ELAVL3: variants seen among roughly 807,000 people sequenced by gnomAD.
ELAVL3 encodes the protein ELAV-like protein 3.
In ELAVL3, 8 loss-of-function variants were observed where a neutral mutation model predicts 34.2. The ratio of observed to expected loss-of-function variants is 0.23; its 90% CI spans 0.14 to 0.42. The LOEUF (loss-of-function observed/expected upper bound fraction) is 0.42. ELAVL3 is among the 10% of genes least tolerant of loss of function. The probability of loss-of-function intolerance (pLI) is 1.00; values close to 1 mark genes in which losing one functional copy is unlikely to be tolerated. For missense variants in ELAVL3, 273 were observed against 518.8 expected (o/e 0.53, Z 4.60); for synonymous variants, 209 against 222.1 (o/e 0.94, Z 0.53).
Position 11,454,993 on chromosome 19 carries a change from C to CTGT in ELAVL3, c.753-117_753-116insACA. The CTGT allele has an allele frequency of 8.2e-7, 1 of 1,213,482 alleles. No individual in the cohort carries two copies. The highest frequency in any genetic ancestry group is 1.1e-6 in the Non-Finnish European group (1 of 873,316). 75.2% of individuals were successfully genotyped at this position (1,213,482 alleles called of 1,614,324 possible). A position where few individuals can be genotyped will look rare whatever the true frequency, so the allele number is the denominator to read the frequency against. ...GCCATGACCTTGGAATGGTGTGACC[C>CTGT]CTGCAATGCAATTTTTTTTTTTAGA... On this transcript the variant is annotated intron_variant, in intron 6 of 6. Coordinates refer to ENST00000359227, the MANE Select transcript of ELAVL3 (RefSeq NM_001420.4). The surrounding 1 kb of genome is among the most constrained non-coding windows in gnomAD (Gnocchi z 9.2).
Position 11,480,527 on chromosome 19 carries a change from G to A in ELAVL3, c.9+73C>T. 4 of 760,244 alleles carry A rather than the reference G, an allele frequency of 5.3e-6. No homozygotes were observed. The highest frequency in any genetic ancestry group is 1.9e-5 in the South Asian group (1 of 51,748). 47.1% of individuals were successfully genotyped at this position (760,244 alleles called of 1,614,324 possible). A position where few individuals can be genotyped will look rare whatever the true frequency, so the allele number is the denominator to read the frequency against. ...TGGTCCTACCCCCCCCGCCGCACCC[G>A]CCCAATCTCCGCGGAGCCTGGGCCC... On this transcript the variant is annotated intron_variant, in intron 1 of 6. Transcript: ENST00000359227. This position sits in a 1 kb window ranked among gnomAD's most constrained non-coding sequence, Gnocchi z 6.8.
intron 3 of ELAVL3, among the ~76,000 whole-genome samples, chr19:11,464,868 CACACACAT>C (rs1260614820): frequency 4.9e-5 from 6 of 123,104 alleles, no homozygotes; most frequent in Non-Finnish European, 8.6e-5. Flanking sequence ...ACACACACCA[CACACACAT>C]ACACACATAC....
intron 3 of ELAVL3, among the ~76,000 whole-genome samples, chr19:11,461,258 G>A (rs1334406447): frequency 2.0e-5 from 3 of 152,096 alleles, no homozygotes; most frequent in African/African-American, 7.2e-5. Flanking sequence ...TGTAAAATGG[G>A]GGACAGAAAA....
At chr19:11,461,201 T>G in intron 3 of ELAVL3, among the ~76,000 whole-genome samples, 1 of 151,056 alleles carries the variant, frequency 6.6e-6, no homozygotes. Flanking sequence ...GAGAAAAAGA[T>G]GGACATATAT....
Position 11,475,117 on chromosome 19 carries a change from AC to A in ELAVL3, c.9+5482del, listed in dbSNP as rs536980686. Among the ~76,000 whole-genome samples, 4 of 152,080 alleles carry A rather than the reference AC, an allele frequency of 2.6e-5. No homozygotes were observed. In the East Asian group the frequency reaches 7.7e-4, roughly 29 times the overall value. On this transcript the variant is annotated intron_variant, in intron 1 of 6. Transcript: ENST00000359227. ...TGGGATTACAGGCATGAGCCACCGC[AC>A]CCGGCCTAATACTGCTATTTTAATG...
At chr19:11,459,274 C>G (rs981278975) in intron 3 of ELAVL3, among the ~76,000 whole-genome samples, 3 of 152,110 alleles carry the variant, frequency 2.0e-5, no homozygotes, top group East Asian at 1.9e-4. Context: ...AGGCGCCCAC[C>G]ACCACGCCTA....
intron 1 of ELAVL3, among the ~76,000 whole-genome samples, chr19:11,469,746 T>A (rs1371268066): frequency 6.6e-6 from 1 of 152,012 alleles, no homozygotes; most frequent in Admixed American, 6.6e-5. Flanking sequence ...TTTATTTAAT[T>A]CACACAAAGA....
intron 1 of ELAVL3, among the ~76,000 whole-genome samples, chr19:11,478,003 C>T (rs1188586478): frequency 6.6e-6 from 1 of 152,124 alleles, no homozygotes; most frequent in Non-Finnish European, 1.5e-5. Context: ...TTTTTGAACT[C>T]CACTGAGCAT....
In ELAVL3 at chr19:11,464,123, GTCTCTC is replaced by G. The variant is rs1165917141; in HGVS notation, c.333+2043_333+2048del. Among the ~76,000 whole-genome samples, 924 of 110,864 alleles carry G rather than the reference GTCTCTC, an allele frequency of 8.3e-3. 11 individuals are homozygous for G. The highest frequency in any genetic ancestry group is 0.033 in the African/African-American group (816 of 24,890). The allele number at this position is 110,864 out of a possible 152,430, so 72.7% of individuals were successfully genotyped here. On this transcript the variant is annotated intron_variant, in intron 3 of 6. Transcript: ENST00000359227. ...CCTCTCTCTCTCTCTGTCTCTCTCT[GTCTCTC>G]TCTCTCTCTCTCTCTCTCTCTCTAT...
At chr19:11,478,775 T>C (rs1480296335) in intron 1 of ELAVL3, among the ~76,000 whole-genome samples, 3 of 152,062 alleles carry the variant, frequency 2.0e-5, no homozygotes, top group African/African-American at 7.2e-5. Context: ...CTGAGGCCAC[T>C]TTTTTCTTAA....
Position 11,466,805 on chromosome 19 carries a change from G to C in ELAVL3, c.32C>G (p.Ser11Cys). 2.5e-6 allele frequency: 4 copies of C among 1,609,926 alleles called. No individual in the cohort carries two copies. The highest frequency in any genetic ancestry group is 2.5e-6 in the Non-Finnish European group (3 of 1,178,026). ...GCCGGCCGGGCCCCCCCCCACCTGA[G>C]ACTCCATGGCCCCCAGTATCTGCTG... MVTQILGAME[S>C]QVGGGPAGPA... Residue 11 changes from serine to cysteine, a missense_variant, in exon 2 of 7, where the codon TCT (serine) becomes TGT (cysteine). Coordinates refer to ENST00000359227, the MANE Select transcript of ELAVL3 (RefSeq NM_001420.4). The surrounding 1 kb of genome is among the most constrained non-coding windows in gnomAD (Gnocchi z 5.0).
chr19:11,456,767 G>A (rs938894947), intron 6 of ELAVL3, among the ~76,000 whole-genome samples: 12 of 152,050 alleles, frequency 7.9e-5, no homozygotes, highest in African/African-American at 2.7e-4. Flanking sequence ...AGGCTCAAGC[G>A]ATCCTCCCGC....
At chr19:11,467,383 T>G (rs374294409) in intron 1 of ELAVL3, among the ~76,000 whole-genome samples, 1 of 151,670 alleles carries the variant, frequency 6.6e-6, no homozygotes, top group African/African-American at 2.4e-5. Flanking sequence ...GATTGCGCCA[T>G]TGCACTCCAG....
rs1254830290 is a variant in ELAVL3, at chr19:11,466,672, G to A, written c.165C>T (p.Phe55=). 1.9e-6 allele frequency: 3 copies of A among 1,614,044 alleles called. No individual in the cohort carries two copies. The highest frequency in any genetic ancestry group is 1.6e-4 in the Middle Eastern group (1 of 6,084). Residue 55 remains phenylalanine (F), a synonymous_variant, in exon 2 of 7, where the codon TTC becomes TTT. Coordinates refer to ENST00000359227, the MANE Select transcript of ELAVL3 (RefSeq NM_001420.4). This position sits in a 1 kb window ranked among gnomAD's most constrained non-coding sequence, Gnocchi z 5.0. ...CGCCAATGCTGCCGAAGAGACTCTT[G>A]AACTCATCCTGGGTCATGTTCTGGG... ...YLPQNMTQDE[F]KSLFGSIGDI...
intron 3 of ELAVL3, among the ~76,000 whole-genome samples, chr19:11,465,168 CCA>C (rs201120641): frequency 0.011 from 1,474 of 140,200 alleles, 26 homozygotes; most frequent in African/African-American, 0.037. Flanking sequence ...CATACACATA[CCA>C]CACACACATA....
At chr19:11,460,492 C>T (rs534831535) in intron 3 of ELAVL3, among the ~76,000 whole-genome samples, 1 of 152,220 alleles carries the variant, frequency 6.6e-6, no homozygotes, top group African/African-American at 2.4e-5. Context: ...GACCGCAAAA[C>T]CCTGCACATT....
intron 6 of ELAVL3, among the ~76,000 whole-genome samples, chr19:11,455,709 A>G (rs769661901): frequency 2.2e-4 from 34 of 152,164 alleles, no homozygotes; most frequent in Non-Finnish European, 4.7e-4. Flanking sequence ...CTGAAATTAC[A>G]GGTGTGAGCC....
intron 6 of ELAVL3, 126 bp from the exon 7 acceptor site, chr19:11,455,003 A>C (rs1159708020): frequency 3.5e-6 from 4 of 1,131,394 alleles, no homozygotes; most frequent in Non-Finnish European, 3.7e-6. Context: ...CCTGCAATGC[A>C]ATTTTTTTTT....
chr19:11,479,765 G>T (rs905010311), intron 1 of ELAVL3, among the ~76,000 whole-genome samples: 2 of 151,768 alleles, frequency 1.3e-5, no homozygotes, highest in Admixed American at 6.5e-5. Context: ...CACCGAGCGC[G>T]GGGCTAGCGG....
Sources: allele counts gnomAD v4.1 joint callset (sites outside exome capture counted in the v4.1 genomes callset), GRCh38; gene constraint gnomAD v4.1.1; non-coding constraint Gnocchi (gnomAD v3.1); transcripts MANE v1.5; gene names NCBI Gene and HGNC (gene_info 2026-07-23, HGNC 2026-07-21).